Variants in FAM174A observed in about 807,000 individuals in gnomAD.
FAM174A encodes the protein membrane protein FAM174A.
In FAM174A, 14 loss-of-function variants were observed where a neutral mutation model predicts 14.3. That is an observed-to-expected ratio of 0.98 (90% CI 0.65 to 1.53). The LOEUF is 1.53. Among genes scored for constraint, FAM174A ranks in the 40% most tolerant of loss-of-function variants. The pLI is 0.00. For synonymous variants in FAM174A, 108 were observed against 111.4 expected (o/e 0.97, Z 0.19); for missense variants, 241 against 249.6 (o/e 0.97, Z 0.23).
At chr5:100,568,953 T>C (rs908502283) in intron 2 of FAM174A, among the ~76,000 whole-genome samples, 1 of 151,902 alleles carries the variant, frequency 6.6e-6, no homozygotes, top group Non-Finnish European at 1.5e-5. Context: ...TTTTATTTTA[T>C]AAGGAAAACA....
chr5:100,565,333 T>A (rs1226512945), intron 2 of FAM174A, among the ~76,000 whole-genome samples: 1 of 151,888 alleles, frequency 6.6e-6, no homozygotes, highest in African/African-American at 2.4e-5. Context: ...TGCATCAAAC[T>A]AAAATGCTTC....
intron 2 of FAM174A, among the ~76,000 whole-genome samples, chr5:100,567,314 A>G (rs536373358): frequency 2.0e-4 from 30 of 151,956 alleles, no homozygotes; most frequent in East Asian, 7.8e-4. Context: ...GCAGCTATCT[A>G]TTTGCCAAGC....
At chr5:100,581,330 T>C (rs1421314939) in intron 2 of FAM174A, 10 of 976,060 alleles carry the variant, frequency 1.0e-5, no homozygotes, top group Non-Finnish European at 1.2e-5. Context: ...ACCATATTGA[T>C]TCTCCACTTT....
chr5:100,554,475 C>T (rs1554046893), intron 1 of FAM174A, among the ~76,000 whole-genome samples: 1 of 151,818 alleles, frequency 6.6e-6, no homozygotes, highest in Non-Finnish European at 1.5e-5. Context: ...CACCACCATG[C>T]CTAGCTAATT....
chr5:100,547,729 G>A (rs1020530108), intron 1 of FAM174A, among the ~76,000 whole-genome samples: 1 of 152,090 alleles, frequency 6.6e-6, no homozygotes, highest in African/African-American at 2.4e-5. Context: ...TACAGTAGCA[G>A]TGTGGCTCAG....
intron 2 of FAM174A, among the ~76,000 whole-genome samples, chr5:100,574,520 C>T (rs986555032): frequency 6.6e-6 from 1 of 152,254 alleles, no homozygotes; most frequent in Admixed American, 6.5e-5. Context: ...AAACTGATGA[C>T]TTGGTCCAGC....
rs201363360 is a variant in FAM174A at position 100,575,506 on chromosome 5, G to A, written c.570-10675G>A. 1.4e-4 allele frequency among the ~76,000 whole-genome samples: 22 copies of A among 152,050 alleles called. No individual in the cohort carries two copies. The East Asian group carries it at 4.3e-3, about 29-fold the overall frequency. On this transcript the variant is annotated intron_variant, in intron 2 of 2. Coordinates refer to ENST00000312637, the MANE Select transcript of FAM174A (RefSeq NM_198507.3). ...TATGAGTGAGAACATGCGGTGTTTG[G>A]TTTTTTGTCCTTGCTATAGTTTGCT...
chr5:100,572,007 C>T (rs1746792237), intron 2 of FAM174A, among the ~76,000 whole-genome samples: 3 of 151,936 alleles, frequency 2.0e-5, no homozygotes, highest in East Asian at 3.9e-4. Context: ...TGGGTTTTAC[C>T]ATTGAACTGA....
In FAM174A at chr5:100,575,246, T is replaced by TTA. The variant is rs553954144; in HGVS notation, c.570-10921_570-10920dup. Among the ~76,000 whole-genome samples, 1,087 of 150,980 alleles carry TTA rather than the reference T, an allele frequency of 7.2e-3. 18 individuals are homozygous for TTA. Among genetic ancestry groups the TTA allele is most frequent in the African/African-American group, 0.023 (930 of 41,246 alleles). The stretch of plus-strand genomic sequence containing the variant: ...ATATAATTAGTCTACAGTATAACTT[T>TTA]TATATATATATATATTTTATTATAC... On this transcript the variant is annotated intron_variant, in intron 2 of 2. Coordinates refer to ENST00000312637, the MANE Select transcript of FAM174A (RefSeq NM_198507.3).
chr5:100,567,549 T>G (rs1382253867), intron 2 of FAM174A, among the ~76,000 whole-genome samples: 2 of 151,940 alleles, frequency 1.3e-5, no homozygotes, highest in East Asian at 3.9e-4. Context: ...CTGGAAATAA[T>G]TTTAAACTTA....
At chr5:100,573,096 G>C (rs1242961094) in intron 2 of FAM174A, among the ~76,000 whole-genome samples, 2 of 152,088 alleles carry the variant, frequency 1.3e-5, no homozygotes, top group East Asian at 1.9e-4. Flanking sequence ...TTTTGATGGG[G>C]TTATTTGTTT....
chr5:100,539,967 C>T, intron 1 of FAM174A, among the ~76,000 whole-genome samples: 1 of 152,128 alleles, frequency 6.6e-6, no homozygotes, highest in South Asian at 2.1e-4. Context: ...TTGTTTCCTA[C>T]CTCAACTCCC....
chr5:100,543,390 T>C (rs1746101818), intron 1 of FAM174A, among the ~76,000 whole-genome samples: 1 of 152,182 alleles, frequency 6.6e-6, no homozygotes, highest in African/African-American at 2.4e-5. Context: ...AGTGCTGGGA[T>C]TACAGGTGTG....
At chr5:100,574,225 G>T (rs1746855056) in intron 2 of FAM174A, among the ~76,000 whole-genome samples, 1 of 151,990 alleles carries the variant, frequency 6.6e-6, no homozygotes, top group Admixed American at 6.6e-5. Flanking sequence ...ATCTTGCTCT[G>T]TCACCCAAGC....
At chr5:100,538,630 A>G (rs1420599203) in intron 1 of FAM174A, among the ~76,000 whole-genome samples, 1 of 152,080 alleles carries the variant, frequency 6.6e-6, no homozygotes, top group Non-Finnish European at 1.5e-5. Context: ...ATTCTCCCCT[A>G]TATCCTCAGT....
chr5:100,540,823 A>G (rs984675732), intron 1 of FAM174A, among the ~76,000 whole-genome samples: 4 of 152,178 alleles, frequency 2.6e-5, no homozygotes, highest in African/African-American at 9.7e-5. Flanking sequence ...GTGGAGATGT[A>G]CTAGTTTGTT....
chr5:100,568,638 T>C (rs969874476), intron 2 of FAM174A, among the ~76,000 whole-genome samples: 3 of 151,834 alleles, frequency 2.0e-5, no homozygotes. Flanking sequence ...CTGGCTTCAA[T>C]ACTTTTACTA....
intron 1 of FAM174A, among the ~76,000 whole-genome samples, chr5:100,538,791 C>T (rs112373419): frequency 1.5e-4 from 22 of 151,364 alleles, no homozygotes; most frequent in Non-Finnish European, 2.9e-4. Flanking sequence ...CAAAGAACTG[C>T]GAAGATCTCA....
intron 1 of FAM174A, among the ~76,000 whole-genome samples, chr5:100,551,432 A>G (rs573535755): frequency 2.0e-5 from 3 of 152,266 alleles, no homozygotes; most frequent in Admixed American, 1.3e-4. Flanking sequence ...CAGGCATGCC[A>G]CTGGCCTGGT....
Sources: gnomAD v4.1 joint callset for allele counts (sites outside exome capture counted in the v4.1 genomes callset) on GRCh38, gnomAD v4.1.1 for gene constraint, MANE v1.5 for transcripts, NCBI Gene and HGNC (gene_info 2026-07-23, HGNC 2026-07-21) for gene names.